The following IL1RAPL2 variants were observed in gnomAD, a reference collection of about 807,000 sequenced individuals.
IL1RAPL2 encodes the protein interleukin 1 receptor accessory protein like 2.
IL1RAPL2 carries 3 observed loss-of-function variants against 44.1 expected under a neutral mutation model. The ratio of observed to expected loss-of-function variants is 0.07; its 90% CI spans 0.03 to 0.18. The LOEUF is 0.18. Among genes scored for constraint, IL1RAPL2 ranks in the 10% least tolerant of loss-of-function variants. IL1RAPL2 has a pLI of 1.00. For missense variants in IL1RAPL2, 391 were observed against 496.4 expected, an observed-to-expected ratio of 0.79 and a Z score of 2.02; for synonymous variants, 181 against 178.8, an observed-to-expected ratio of 1.01 and a Z score of -0.10.
chrX:105,345,262 C>T (rs963017056), intron 5 of IL1RAPL2, among the ~76,000 whole-genome samples: 3 of 111,788 alleles, frequency 2.7e-5, no homozygotes, highest in African/African-American at 6.5e-5. Context: ...CAATTATCTA[C>T]GTCGTATCTT....
chrX:104,910,277 C>T (rs1323764906), intron 2 of IL1RAPL2, among the ~76,000 whole-genome samples: 2 of 112,016 alleles, frequency 1.8e-5, no homozygotes, highest in Non-Finnish European at 3.8e-5. Flanking sequence ...GAGACGAACC[C>T]GGTGCCTAGG....
chrX:104,933,844 C>A (rs1569345601), intron 2 of IL1RAPL2, among the ~76,000 whole-genome samples: 1 of 111,417 alleles, frequency 9.0e-6, no homozygotes, highest in Non-Finnish European at 1.9e-5. Context: ...TGAGCTTAAC[C>A]TAGGACAATT....
chrX:104,597,623 G>A (rs2147999028), intron 1 of IL1RAPL2, among the ~76,000 whole-genome samples: 1 of 111,703 alleles, frequency 9.0e-6, no homozygotes, highest in South Asian at 3.8e-4. Flanking sequence ...GAGACTTCAG[G>A]TAAATGGAAG....
chrX:105,516,281 T>C, intron 6 of IL1RAPL2, among the ~76,000 whole-genome samples: 1 of 112,187 alleles, frequency 8.9e-6, no homozygotes, highest in Non-Finnish European at 1.9e-5. Context: ...TCTTCTTGCA[T>C]TGGACAGGGA....
chrX:104,884,386 G>A (rs774638877), intron 2 of IL1RAPL2, among the ~76,000 whole-genome samples: 2 of 112,066 alleles, frequency 1.8e-5, no homozygotes, highest in South Asian at 7.5e-4. Flanking sequence ...GCGTCAGTGA[G>A]TGCAACTATT....
chrX:104,724,141 G>A (rs754702388), intron 2 of IL1RAPL2, among the ~76,000 whole-genome samples: 1 of 111,442 alleles, frequency 9.0e-6, no homozygotes, highest in East Asian at 2.8e-4. Flanking sequence ...GAAAATAAAA[G>A]TTTTAGAAAG....
At chrX:105,176,302 C>T (rs1382125689) in intron 2 of IL1RAPL2, among the ~76,000 whole-genome samples, 1 of 111,072 alleles carries the variant, frequency 9.0e-6, no homozygotes, top group East Asian at 2.8e-4. Context: ...GTGAGGCCAG[C>T]ATACTGGGTA....
chrX:105,518,722 T>C (rs967854989), intron 6 of IL1RAPL2, among the ~76,000 whole-genome samples: 3 of 111,939 alleles, frequency 2.7e-5, no homozygotes. Flanking sequence ...CAGACCAGCA[T>C]TTCTCAGCTT....
intron 2 of IL1RAPL2, among the ~76,000 whole-genome samples, chrX:104,834,196 T>A (rs911463357): frequency 8.9e-6 from 1 of 111,789 alleles, no homozygotes. Flanking sequence ...TATAAAAACT[T>A]TCTATTTTCT....
At chrX:104,680,900 A>G (rs903063089) in intron 2 of IL1RAPL2, among the ~76,000 whole-genome samples, 3 of 112,235 alleles carry the variant, frequency 2.7e-5, no homozygotes, top group Non-Finnish European at 5.6e-5. Context: ...TAATTTATCT[A>G]TATAGTATTT....
rs191494117 is a variant in IL1RAPL2 at position 105,592,098 on chromosome X, C to T, written c.772+107711C>T. ...ACTTCTTTTATCAGTCTGGGTGCTC[C>T]TGTGTTGGATGGAAACAAATTTAGG... On this transcript the variant is annotated intron_variant, in intron 6 of 10. Transcript: ENST00000372582. 3.6e-5 allele frequency among the ~76,000 whole-genome samples: 4 copies of T among 111,849 alleles called. No individual in the cohort carries two copies. In the Admixed American group the frequency reaches 3.8e-4, roughly 11 times the overall value.
At chrX:104,777,673 T>A (rs1932742481) in intron 2 of IL1RAPL2, among the ~76,000 whole-genome samples, 1 of 108,697 alleles carries the variant, frequency 9.2e-6, no homozygotes, top group Admixed American at 9.9e-5. Context: ...GCCTCCCCGG[T>A]TCAAGCAATT....
chrX:105,443,312 T>C (rs2035933281), intron 5 of IL1RAPL2, among the ~76,000 whole-genome samples: 1 of 111,700 alleles, frequency 9.0e-6, no homozygotes, highest in South Asian at 3.8e-4. Context: ...GAAAATTGGA[T>C]ATCCACCCCT....
intron 5 of IL1RAPL2, among the ~76,000 whole-genome samples, chrX:105,330,822 A>G: frequency 2.7e-5 from 3 of 111,304 alleles, no homozygotes; most frequent in Middle Eastern, 9.3e-3. Context: ...CTGAATTATT[A>G]TAGTAGCCTC....
intron 2 of IL1RAPL2, among the ~76,000 whole-genome samples, chrX:104,968,979 CTGTGTGTGTGTG>C (rs35842489): frequency 2.2e-4 from 18 of 82,048 alleles, no homozygotes; most frequent in South Asian, 1.4e-3. Flanking sequence ...TTGCCTTTTG[CTGTGTGTGTGTG>C]TGTGTGTGTG....
intron 6 of IL1RAPL2, among the ~76,000 whole-genome samples, chrX:105,537,242 A>G (rs1475663022): frequency 3.6e-5 from 4 of 111,983 alleles, no homozygotes; most frequent in African/African-American, 1.3e-4. Context: ...TTAGGTGCCT[A>G]TTATTTGTAG....
chrX:104,853,806 G>C (rs1434051944), intron 2 of IL1RAPL2, among the ~76,000 whole-genome samples: 3 of 106,393 alleles, frequency 2.8e-5, no homozygotes, highest in African/African-American at 1.0e-4. Context: ...GGGAGGCTGA[G>C]GCAGGAGAAT....
intron 2 of IL1RAPL2, among the ~76,000 whole-genome samples, chrX:105,043,077 G>T (rs1389093656): frequency 1.4e-5 from 1 of 72,056 alleles, no homozygotes. Flanking sequence ...GGGGACTGTT[G>T]TGGGGTGGGG....
At chrX:105,077,295 A>T (rs2032322561) in intron 2 of IL1RAPL2, among the ~76,000 whole-genome samples, 2 of 110,960 alleles carry the variant, frequency 1.8e-5, no homozygotes, top group African/African-American at 6.6e-5. Context: ...TTTCTCCTTC[A>T]CTTATGAAGC....
Sources: allele counts gnomAD v4.1 joint callset (sites outside exome capture counted in the v4.1 genomes callset), GRCh38; gene constraint gnomAD v4.1.1; transcripts MANE v1.5; gene names NCBI Gene and HGNC (gene_info 2026-07-23, HGNC 2026-07-21).